CEP164: variants seen among roughly 807,000 people sequenced by gnomAD.
CEP164 encodes the protein centrosomal protein 164.
In CEP164, 162 loss-of-function variants were observed where a neutral mutation model predicts 182.7. That is an observed-to-expected ratio of 0.89 (90% confidence interval 0.78 to 1.01). The LOEUF (loss-of-function observed/expected upper bound fraction) is 1.01. Among genes scored for constraint, CEP164 ranks in the 50% least tolerant of loss-of-function variants. The pLI, the probability that CEP164 is intolerant of heterozygous loss-of-function variation, is 0.00. For missense variants in CEP164, 1,735 were observed against 1,790.4 expected (o/e 0.97, Z 0.56); for synonymous variants, 661 against 690.0 (o/e 0.96, Z 0.66).
Position 117,390,982 on chromosome 11 carries a change from C to G in CEP164, c.2067-17C>G. 6.2e-7 allele frequency: 1 copy of G among 1,613,900 alleles called. No homozygotes were observed. Among genetic ancestry groups the G allele is most frequent in the Non-Finnish European group, 8.5e-7 (1 of 1,179,854 alleles). On this transcript the variant is annotated splice_polypyrimidine_tract_variant and intron_variant, in intron 16 of 32. Coordinates refer to ENST00000278935, the MANE Select transcript of CEP164 (RefSeq NM_014956.5). Reference sequence around the variant, plus strand: ...CAGGGTGCACAGGCCCGTTACCATTCCACTGTGTCCACCCAGGGCTGAGCA... The same window carrying G: ...CAGGGTGCACAGGCCCGTTACCATTGCACTGTGTCCACCCAGGGCTGAGCA...
intron 27 of CEP164, among the ~76,000 whole-genome samples, chr11:117,398,139 C>T (rs1365170783): frequency 6.6e-6 from 1 of 152,190 alleles, no homozygotes; most frequent in Non-Finnish European, 1.5e-5. Flanking sequence ...AAAGGGGTTA[C>T]AGGGCCCATG....
intron 27 of CEP164, among the ~76,000 whole-genome samples, chr11:117,398,630 C>A (rs1004100475): frequency 6.6e-6 from 1 of 152,256 alleles, no homozygotes; most frequent in South Asian, 2.1e-4. Context: ...TTCTTGACTT[C>A]TGTGCAGCCG....
At chr11:117,371,055 TC>T (rs775883076) in intron 8 of CEP164, 24 bp from the exon 9 acceptor site, 1 of 1,538,284 alleles carries the variant, frequency 6.5e-7, no homozygotes, top group Non-Finnish European at 8.7e-7. Context: ...TGTCTTCCTT[TC>T]TAACATGGTC....
chr11:117,336,541 G>C, intron 2 of CEP164: 1 of 1,530,738 alleles, frequency 6.5e-7, no homozygotes. Context: ...TGGATTGATA[G>C]GTGGTGGGTG....
At chr11:117,328,551 G>C (rs894721075) in intron 1 of CEP164, among the ~76,000 whole-genome samples, 1 of 152,108 alleles carries the variant, frequency 6.6e-6, no homozygotes, top group Admixed American at 6.5e-5. Flanking sequence ...TCTACTCGGC[G>C]CACTCCATCT....
chr11:117,340,328 G>C (rs564666957), intron 3 of CEP164, among the ~76,000 whole-genome samples: 16 of 152,230 alleles, frequency 1.1e-4, no homozygotes, highest in African/African-American at 3.4e-4. Flanking sequence ...TGGCCATAGG[G>C]CCTGCACTTT....
intron 22 of CEP164, 52 bp from the exon 23 acceptor site, chr11:117,395,071 C>G (rs528676983): frequency 1.9e-6 from 3 of 1,611,134 alleles, no homozygotes; most frequent in East Asian, 4.5e-5. Flanking sequence ...GGCTCTGCCC[C>G]TCAGACCTGG....
At chr11:117,326,147 G>A (rs1375741064), upstream of CEP164, among the ~76,000 whole-genome samples, 1 of 152,236 alleles carries the variant, frequency 6.6e-6, no homozygotes, top group East Asian at 1.9e-4. Flanking sequence ...CTGACCTCAG[G>A]TGATCCACCT....
chr11:117,408,531 T>A lies in CEP164; in HGVS notation c.3610-359T>A, dbSNP rs574798573. 44 of 305,982 alleles carry A rather than the reference T, an allele frequency of 1.4e-4. 1 individual carries two copies. Among genetic ancestry groups the A allele is most frequent in the African/African-American group, 8.9e-4 (42 of 47,042 alleles). 19.0% of individuals were successfully genotyped at this position (305,982 alleles called of 1,614,324 possible). On this transcript the variant is annotated intron_variant, in intron 28 of 32. Transcript: ENST00000278935. ...CACTGTTGTCTCTGTCTCAGGCATT[T>A]GGGACATATGCTGAGCCTTGCCTCC...
rs200015227 is a variant in CEP164, at chr11:117,389,633, G to A, written c.1935-1144G>A. Among the ~76,000 whole-genome samples the A allele has an allele frequency of 4.6e-5, 7 of 152,334 alleles. No individual in the cohort carries two copies. The East Asian group carries it at 1.3e-3, about 29-fold the overall frequency. On this transcript the variant is annotated intron_variant, in intron 15 of 32. Transcript: ENST00000278935. ...GATGGGAACAGAAAGATGAATTGAT[G>A]AGCTTGTAGGGAGTTGGAAAGACTT...
chr11:117,351,939 A>G lies in CEP164; in HGVS notation c.344A>G (p.Lys115Arg), dbSNP rs1350202584. The G allele has an allele frequency of 6.8e-6, 11 of 1,612,872 alleles. No individual in the cohort carries two copies. The highest frequency in any genetic ancestry group is 1.3e-5 in the African/African-American group (1 of 74,810). Residue 115 changes from lysine to arginine, a missense_variant, in exon 5 of 33, where the codon AAA becomes AGA. By Grantham distance (26) the Lys-to-Arg change is conservative. Transcript: ENST00000278935. The part of the protein sequence containing the change: ...TSGAIKKKKK[K>R]KEKKDKKDRD... ...GGGGCCATTAAGAAGAAGAAAAAAAAAAAGGAAAAGAAAGACAAGAAGGAC... is the reference window on the plus strand; with the variant it reads ...GGGGCCATTAAGAAGAAGAAAAAAAGAAAGGAAAAGAAAGACAAGAAGGAC...
At position 117,375,729 on chromosome 11, in the gene CEP164, A is replaced by C; in HGVS notation, c.1255A>C (p.Ile419Leu). The change falls in exon 11 of 33, where the codon ATC (isoleucine) becomes CTC (leucine). Residue 419 changes from isoleucine (I) to leucine (L), a missense_variant. Coordinates refer to ENST00000278935, the MANE Select transcript of CEP164 (RefSeq NM_014956.5). ...HGLDFGFRSR[I>L]SEHLLDVDVL... ...CCAGGACTTCGGTTTTCGCAGCCGG[A>C]TCTCGGAGCACCTGCTGGATGTTGA... 6.2e-7 allele frequency: 1 copy of C among 1,614,074 alleles called. No homozygotes were observed. Among genetic ancestry groups the C allele is most frequent in the Non-Finnish European group, 8.5e-7 (1 of 1,180,022 alleles).
At chr11:117,336,616 C>G in intron 2 of CEP164, 3 of 1,283,204 alleles carry the variant, frequency 2.3e-6, no homozygotes, top group Non-Finnish European at 3.4e-6. Flanking sequence ...GGCTGTCTGG[C>G]ATTGGGATTC....
intron 2 of CEP164, chr11:117,336,136 G>A: frequency 1.3e-6 from 2 of 1,559,568 alleles, no homozygotes; most frequent in South Asian, 2.2e-5. Flanking sequence ...AGTACAACAT[G>A]GCTTCTGAAG....
intron 8 of CEP164, 65 bp downstream of exon 8, chr11:117,363,571 C>T: frequency 8.5e-7 from 1 of 1,174,074 alleles, no homozygotes; most frequent in African/African-American, 1.5e-5. Context: ...TTTTATTAAG[C>T]CCTGCTACTT....
At chr11:117,346,969 A>G (rs1354094832) in intron 4 of CEP164, among the ~76,000 whole-genome samples, 1 of 152,038 alleles carries the variant, frequency 6.6e-6, no homozygotes, top group Non-Finnish European at 1.5e-5. Context: ...ATTACTATTA[A>G]TTGGTAAATT....
intron 5 of CEP164, among the ~76,000 whole-genome samples, chr11:117,352,711 T>C (rs1046769111): frequency 1.4e-4 from 21 of 152,094 alleles, no homozygotes; most frequent in African/African-American, 5.1e-4. Context: ...CTCAGCCTCC[T>C]GAGTAGTTGG....
chr11:117,395,248 C>T, intron 23 of CEP164, 57 bp downstream of exon 23: 2 of 1,577,800 alleles, frequency 1.3e-6, no homozygotes, highest in South Asian at 1.1e-5. Context: ...TGTCTTTCTT[C>T]TCCCTGTTCC....
Position 117,394,464 on chromosome 11 carries a change from G to C in CEP164, c.2731G>C (p.Glu911Gln), listed in dbSNP as rs1419758833. 1.9e-6 allele frequency: 3 copies of C among 1,614,106 alleles called. No homozygotes were observed. In the South Asian group the frequency reaches 3.3e-5, roughly 18 times the overall value. The change falls in exon 21 of 33, where the codon GAG becomes CAG. Residue 911 changes from glutamate to glutamine, a missense_variant. Glu to Gln is a conservative substitution (Grantham distance 29). Coordinates refer to ENST00000278935, the MANE Select transcript of CEP164 (RefSeq NM_014956.5). This position sits in a 1 kb window ranked among gnomAD's most constrained non-coding sequence, Gnocchi z 4.0. ...GAGGCAGGAGCAACACAAGCGTCTT[G>C]AGGACTTGCGGCGCCGGCACAGGGA... ...TVRQEQHKRL[E>Q]DLRRRHREQE... is the part of the protein sequence containing the mutation.
Sources: gnomAD v4.1 joint callset for allele counts (sites outside exome capture counted in the v4.1 genomes callset) on GRCh38, gnomAD v4.1.1 for gene constraint, Gnocchi (gnomAD v3.1) non-coding constraint, MANE v1.5 for transcripts, NCBI Gene and HGNC (gene_info 2026-07-23, HGNC 2026-07-21) for gene names.